The following INTS6 variants were observed in gnomAD, a reference collection of about 807,000 sequenced individuals.
INTS6 encodes the protein integrator complex subunit 6.
A neutral mutation model predicts 104.9 loss-of-function variants in INTS6; 16 were observed. The ratio of observed to expected loss-of-function variants is 0.15; its 90% CI spans 0.10 to 0.23. The LOEUF (loss-of-function observed/expected upper bound fraction) is 0.23, where lower values mean the gene tolerates loss of function less well. Ranked by LOEUF, INTS6 falls within the 10% of genes least tolerant of loss-of-function variation. INTS6 has a pLI of 1.00. For synonymous variants in INTS6, 324 were observed against 358.7 expected, an observed-to-expected ratio of 0.90 and a Z score of 1.09; for missense variants, 584 against 1,062.8, an observed-to-expected ratio of 0.55 and a Z score of 6.26.
At chr13:51,372,694 A>G (rs1955834860) in intron 15 of INTS6, among the ~76,000 whole-genome samples, 1 of 152,188 alleles carries the variant, frequency 6.6e-6, no homozygotes, top group African/African-American at 2.4e-5. Flanking sequence ...CTCTCAAGAC[A>G]TACGTCTGAC....
In INTS6 at chr13:51,452,664, C is replaced by A; in HGVS notation, c.-139G>T. On this transcript the variant is annotated 5_prime_UTR_variant, in exon 1 of 18. Coordinates refer to ENST00000311234, the MANE Select transcript of INTS6 (RefSeq NM_012141.3). This position sits in a 1 kb window ranked among gnomAD's most constrained non-coding sequence, Gnocchi z 4.2. ...GGAGGAAAACACTGTCTGGGTCTTT[C>A]CTCCGGCTGCGGGGAGTTTCTCCCC... 2 of 1,433,482 alleles carry A rather than the reference C, an allele frequency of 1.4e-6. No individual in the cohort carries two copies. Among genetic ancestry groups the A allele is most frequent in the South Asian group, 1.3e-5 (1 of 76,420 alleles). The allele number at this position is 1,433,482 out of a possible 1,614,324, so 88.8% of individuals were successfully genotyped here.
chr13:51,451,334 A>C, intron 2 of INTS6, 160 bp from the exon 3 acceptor site: 1 of 454,098 alleles, frequency 2.2e-6, no homozygotes. Flanking sequence ...TCTCTTCCAA[A>C]GGTGGCCCAG....
chr13:51,403,605 GA>G (rs1156836396), intron 4 of INTS6, among the ~76,000 whole-genome samples: 39 of 111,252 alleles, frequency 3.5e-4, no homozygotes, highest in East Asian at 7.9e-4. Flanking sequence ...AAAAAAAAAA[GA>G]AAAAAAAAAA....
chr13:51,355,450 T>C (rs1357548192), intron 3 of INTS6, among the ~76,000 whole-genome samples: 1 of 152,164 alleles, frequency 6.6e-6, no homozygotes, highest in East Asian at 1.9e-4. Context: ...ACCCAAGGCA[T>C]TGCTGCAGCA....
intron 4 of INTS6, among the ~76,000 whole-genome samples, chr13:51,404,063 T>TACACACACACACACAC (rs71085082): frequency 6.3e-4 from 69 of 109,640 alleles, no homozygotes; most frequent in African/African-American, 1.2e-3. Flanking sequence ...TCTCTACAAA[T>TACACACACACACACAC]ACACACACAC....
chr13:51,338,167 T>C, the INTS6 span, among the ~76,000 whole-genome samples: 1 of 152,210 alleles, frequency 6.6e-6, no homozygotes, highest in Non-Finnish European at 1.5e-5. Context: ...GAAATCTTTT[T>C]ATAAGCTTCT....
At chr13:51,357,303 T>C (rs1955495150), downstream of INTS6, among the ~76,000 whole-genome samples, 1 of 152,224 alleles carries the variant, frequency 6.6e-6, no homozygotes. Context: ...AATAGTTTCC[T>C]CATTCCTAAA....
In INTS6 at chr13:51,451,007, C is replaced by A; in HGVS notation, c.339+18G>T. The stretch of plus-strand genomic sequence containing the variant: ...AAATGAAAAATCAACTATTTTGCCA[C>A]CTTATTATTCAACCTACCTGCCCAT... On this transcript the variant is annotated intron_variant, in intron 3 of 17. Transcript: ENST00000311234. 6.7e-7 allele frequency: 1 copy of A among 1,482,632 alleles called. No homozygotes were observed. 91.8% of individuals were successfully genotyped at this position (1,482,632 alleles called of 1,614,324 possible). A position where few individuals can be genotyped will look rare whatever the true frequency, so the allele number is the denominator to read the frequency against.
the INTS6 span, among the ~76,000 whole-genome samples, chr13:51,337,359 A>T: frequency 5.9e-5 from 9 of 152,240 alleles, no homozygotes; most frequent in Non-Finnish European, 1.0e-4. Flanking sequence ...GGCTAGTGAA[A>T]AATGTTAAAC....
the INTS6 span, among the ~76,000 whole-genome samples, chr13:51,341,994 C>T: frequency 1.2e-4 from 18 of 152,212 alleles, no homozygotes; most frequent in African/African-American, 4.3e-4. Flanking sequence ...TATTTTAGAG[C>T]GGCTTTGCCG....
chr13:51,436,325 A>G (rs1952686185), intron 3 of INTS6: 1 of 152,160 alleles, frequency 6.6e-6, no homozygotes, highest in African/African-American at 2.4e-5. Context: ...AAATCTGGTA[A>G]CAGAATACAT....
the INTS6 span, among the ~76,000 whole-genome samples, chr13:51,347,955 G>A: frequency 5.1e-5 from 7 of 137,066 alleles, no homozygotes; most frequent in East Asian, 1.1e-3. Context: ...ATGTGCCATC[G>A]TCCCCCCCCC....
chr13:51,406,903 T>C (rs1393720556), intron 4 of INTS6, among the ~76,000 whole-genome samples: 3 of 151,576 alleles, frequency 2.0e-5, no homozygotes, highest in Non-Finnish European at 4.4e-5. Context: ...TTTGTGATTT[T>C]TTTTTTTTTT....
chr13:51,404,202 A>G (rs1163142757), intron 4 of INTS6, among the ~76,000 whole-genome samples: 1 of 150,252 alleles, frequency 6.7e-6, no homozygotes, highest in East Asian at 2.0e-4. Context: ...TGAGCCCAGG[A>G]GGTTGAGATT....
chr13:51,406,024 G>A (rs180742845), intron 4 of INTS6, among the ~76,000 whole-genome samples: 1 of 152,166 alleles, frequency 6.6e-6, no homozygotes, highest in Admixed American at 6.5e-5. Context: ...TCTTCCTTTG[G>A]CTTTCATGCT....
At chr13:51,413,201 G>GA (rs1374206355) in intron 4 of INTS6, among the ~76,000 whole-genome samples, 1 of 150,224 alleles carries the variant, frequency 6.7e-6, no homozygotes, top group Non-Finnish European at 1.5e-5. Flanking sequence ...TAAGAAAAAA[G>GA]TTTTTTTTTT....
chr13:51,452,232 G>GCCCGGGC lies in INTS6; in HGVS notation c.111+176_112-178dup. On this transcript the variant is annotated intron_variant, in intron 1 of 17. Coordinates refer to ENST00000311234, the MANE Select transcript of INTS6 (RefSeq NM_012141.3). The surrounding 1 kb of genome is among the most constrained non-coding windows in gnomAD (Gnocchi z 4.2). ...TCCCCACACACCGCCCGGGGCCGGA[G>GCCCGGGC]CCCGGGCCCCGGCCGAACCCGGCTC... 1.5e-6 allele frequency: 1 copy of GCCCGGGC among 667,914 alleles called. No homozygotes were observed. The highest frequency in any genetic ancestry group is 2.1e-6 in the Non-Finnish European group (1 of 482,928). The allele number at this position is 667,914 out of a possible 1,614,324, so 41.4% of individuals were successfully genotyped here.
At chr13:51,338,530 GATTGATGGATGC>G in the INTS6 span, among the ~76,000 whole-genome samples, 1 of 152,180 alleles carries the variant, frequency 6.6e-6, no homozygotes, top group Non-Finnish European at 1.5e-5. Context: ...TGGACAGATG[GATTGATGGATGC>G]ATGGATGGAT....
chr13:51,365,995 TG>T, intron 17 of INTS6, 150 bp from the exon 18 acceptor site: 1 of 508,910 alleles, frequency 2.0e-6, no homozygotes, highest in South Asian at 3.2e-5. Context: ...ATATAAAATA[TG>T]TTGAAAGATT....
Sources: allele counts gnomAD v4.1 joint callset (sites outside exome capture counted in the v4.1 genomes callset), GRCh38; gene constraint gnomAD v4.1.1; non-coding constraint Gnocchi (gnomAD v3.1); transcripts MANE v1.5; gene names NCBI Gene and HGNC (gene_info 2026-07-23, HGNC 2026-07-21).